The following PPP2R2B variants were observed in gnomAD, a reference collection of about 807,000 sequenced individuals.
The protein encoded by PPP2R2B is serine/threonine-protein phosphatase 2A 55 kDa regulatory subunit B beta isoform.
In PPP2R2B, 5 loss-of-function variants were observed where a neutral mutation model predicts 46.0. The observed-to-expected ratio is 0.11, with a 90% confidence interval of 0.06 to 0.23. The LOEUF (loss-of-function observed/expected upper bound fraction) is 0.23. Among genes scored for constraint, PPP2R2B ranks in the 10% least tolerant of loss-of-function variants. PPP2R2B has a pLI of 1.00. For missense variants in PPP2R2B, 367 were observed against 575.0 expected (o/e 0.64, Z 3.70); for synonymous variants, 215 against 206.7 (o/e 1.04, Z -0.34).
intron 2 of PPP2R2B, among the ~76,000 whole-genome samples, chr5:146,770,825 T>C (rs1317932714): frequency 1.3e-5 from 2 of 152,142 alleles, no homozygotes; most frequent in African/African-American, 4.8e-5. Flanking sequence ...GGCCAAGAAA[T>C]AGCTCAATGA....
At chr5:146,857,180 T>C (rs1031384906) in intron 2 of PPP2R2B, among the ~76,000 whole-genome samples, 1 of 152,128 alleles carries the variant, frequency 6.6e-6, no homozygotes, top group Non-Finnish European at 1.5e-5. Flanking sequence ...ACAACTTCTA[T>C]GCAATAGGAA....
At chr5:147,031,478 C>CT (rs60219345) in intron 1 of PPP2R2B, among the ~76,000 whole-genome samples, 114,750 of 148,350 alleles carry the variant, frequency 0.77, 44,567 homozygotes, top group African/African-American at 0.85. Context: ...CTAGGCATTG[C>CT]TTTTTTTTTT....
intron 1 of PPP2R2B, among the ~76,000 whole-genome samples, chr5:146,929,993 A>T (rs1351971403): frequency 2.0e-5 from 3 of 152,190 alleles, no homozygotes; most frequent in Non-Finnish European, 4.4e-5. Flanking sequence ...GATTCTGGGG[A>T]TACAGATTAG....
At chr5:146,723,438 G>C (rs914285031) in intron 2 of PPP2R2B, among the ~76,000 whole-genome samples, 2 of 152,196 alleles carry the variant, frequency 1.3e-5, no homozygotes, top group African/African-American at 4.8e-5. Flanking sequence ...TTAAGTAAGA[G>C]TGGGCAAGAG....
At chr5:146,819,450 G>T (rs1402062754) in intron 2 of PPP2R2B, among the ~76,000 whole-genome samples, 2 of 152,098 alleles carry the variant, frequency 1.3e-5, no homozygotes, top group African/African-American at 4.8e-5. Context: ...GAGCTGAAAT[G>T]GAATACAACA....
intron 1 of PPP2R2B, among the ~76,000 whole-genome samples, chr5:146,938,173 T>C (rs1582462521): frequency 1.3e-5 from 2 of 152,154 alleles, no homozygotes; most frequent in Admixed American, 1.3e-4. Flanking sequence ...TGAAGTGCTA[T>C]CAAAAAAGAA....
At chr5:146,815,193 A>G (rs1033551695) in intron 2 of PPP2R2B, among the ~76,000 whole-genome samples, 1 of 152,176 alleles carries the variant, frequency 6.6e-6, no homozygotes, top group Admixed American at 6.5e-5. Flanking sequence ...AGCAAGGTCC[A>G]TTCTCTTCCT....
At chr5:147,030,962 C>T (rs1057272582) in intron 1 of PPP2R2B, among the ~76,000 whole-genome samples, 4 of 152,104 alleles carry the variant, frequency 2.6e-5, no homozygotes, top group African/African-American at 7.2e-5. Flanking sequence ...TATGGCCGTG[C>T]GCGGTGGCTC....
At chr5:147,017,613 T>C (rs1755065796) in intron 1 of PPP2R2B, among the ~76,000 whole-genome samples, 2 of 151,316 alleles carry the variant, frequency 1.3e-5, no homozygotes, top group South Asian at 4.2e-4. Context: ...AAAAATCAAA[T>C]GAAAATAAAT....
At chr5:146,710,963 T>G (rs1258442301) in intron 2 of PPP2R2B, among the ~76,000 whole-genome samples, 1 of 152,204 alleles carries the variant, frequency 6.6e-6, no homozygotes. Flanking sequence ...TCCCCATATT[T>G]TGGGACTGGC....
intron 2 of PPP2R2B, among the ~76,000 whole-genome samples, chr5:146,811,219 T>C (rs936477299): frequency 1.3e-5 from 2 of 152,196 alleles, no homozygotes; most frequent in Non-Finnish European, 2.9e-5. Context: ...AGGATTGTCT[T>C]GATCTCTTGA....
At chr5:147,005,569 C>A (rs1404510402) in intron 1 of PPP2R2B, among the ~76,000 whole-genome samples, 1 of 152,112 alleles carries the variant, frequency 6.6e-6, no homozygotes, top group Non-Finnish European at 1.5e-5. Flanking sequence ...AGGTGGCAGT[C>A]TTATACTGCT....
chr5:146,739,020 C>T (rs1042236438), intron 2 of PPP2R2B, among the ~76,000 whole-genome samples: 2 of 42,428 alleles, frequency 4.7e-5, no homozygotes, highest in African/African-American at 1.7e-4. Flanking sequence ...CTAAGAAGTG[C>T]ACCTATTTTT....
At chr5:146,856,485 A>G in intron 2 of PPP2R2B, 3 of 1,550,544 alleles carry the variant, frequency 1.9e-6, no homozygotes, top group Non-Finnish European at 2.7e-6. Flanking sequence ...AGGTATAAAT[A>G]ATAATACGAA....
intron 1 of PPP2R2B, among the ~76,000 whole-genome samples, chr5:147,049,248 T>C (rs898654898): frequency 3.9e-5 from 6 of 152,094 alleles, no homozygotes; most frequent in Non-Finnish European, 7.4e-5. Context: ...GGATGTACCA[T>C]AGAATTGTAA....
intron 2 of PPP2R2B, among the ~76,000 whole-genome samples, chr5:146,818,178 G>GTCTA (rs1758043623): frequency 6.6e-6 from 1 of 152,146 alleles, no homozygotes; most frequent in Non-Finnish European, 1.5e-5. Context: ...TTTGATCAAA[G>GTCTA]TACGTCTTTC....
chr5:146,821,166 C>CTA (rs934067212), intron 2 of PPP2R2B, among the ~76,000 whole-genome samples: 2 of 152,002 alleles, frequency 1.3e-5, no homozygotes, highest in African/African-American at 2.4e-5. Flanking sequence ...TCTCCAACAC[C>CTA]TATATATATA....
chr5:146,791,577 A>G (rs1041443465), intron 2 of PPP2R2B, among the ~76,000 whole-genome samples: 2 of 152,052 alleles, frequency 1.3e-5, no homozygotes, highest in Admixed American at 6.6e-5. Context: ...AGATTCCAAC[A>G]TATTACTTTT....
intron 5 of PPP2R2B, among the ~76,000 whole-genome samples, chr5:146,664,245 T>C (rs939117212): frequency 1.3e-5 from 2 of 152,242 alleles, no homozygotes; most frequent in African/African-American, 2.4e-5. Context: ...GACAGCACTT[T>C]ATCCACAGAA....
Sources: allele counts gnomAD v4.1 joint callset (sites outside exome capture counted in the v4.1 genomes callset), GRCh38; gene constraint gnomAD v4.1.1; transcripts MANE v1.5; gene names NCBI Gene and HGNC (gene_info 2026-07-23, HGNC 2026-07-21).